Variants in CSMD1 observed in about 807,000 individuals in gnomAD.
CSMD1 encodes the protein CUB and sushi domain-containing protein 1.
CSMD1 carries 213 observed loss-of-function variants against 417.5 expected under a neutral mutation model. That is an observed-to-expected ratio of 0.51 (90% CI 0.46 to 0.57). CSMD1 has a LOEUF of 0.57. CSMD1 is among the 20% of genes least tolerant of loss of function. The pLI is 0.00. For missense variants in CSMD1, 6,923 were observed against 4,529.7 expected (o/e 1.53, Z -15.17); for synonymous variants, 2,862 against 1,736.8 (o/e 1.65, Z -16.11).
intron 4 of CSMD1, among the ~76,000 whole-genome samples, chr8:4,009,921 C>A (rs759909391): frequency 1.3e-5 from 2 of 152,076 alleles, no homozygotes; most frequent in African/African-American, 4.8e-5. Context: ...AAGCCCTGGT[C>A]TCCTCTGTCG....
At chr8:4,675,040 G>C (rs1024880466) in intron 1 of CSMD1, among the ~76,000 whole-genome samples, 1 of 152,204 alleles carries the variant, frequency 6.6e-6, no homozygotes, top group Non-Finnish European at 1.5e-5. Context: ...GCACCTTAGT[G>C]TTGGACGCAC....
chr8:3,388,429 A>ATGTT (rs1447512220), intron 17 of CSMD1, among the ~76,000 whole-genome samples: 5 of 152,192 alleles, frequency 3.3e-5, no homozygotes, highest in African/African-American at 1.2e-4. Flanking sequence ...TATCATTGTA[A>ATGTT]TGTTTACATA....
intron 26 of CSMD1, among the ~76,000 whole-genome samples, chr8:3,263,078 C>G (rs909944291): frequency 5.3e-5 from 8 of 152,144 alleles, no homozygotes; most frequent in African/African-American, 1.9e-4. Context: ...AATAATTGTC[C>G]TTATATGTTT....
rs75738487 is a variant in CSMD1 at position 4,019,289 on chromosome 8, G to C, written c.610+12616C>G. On this transcript the variant is annotated intron_variant, in intron 4 of 69. Transcript: ENST00000635120. ...GAGTTTTTAAAGATTCAGGGCGAGA[G>C]AGCTTATCACAGGCTTGGAATGTTT... Among the ~76,000 whole-genome samples the C allele has an allele frequency of 1.8e-4, 27 of 152,296 alleles. 1 individual carries two copies. In the East Asian group the frequency reaches 4.4e-3, roughly 25 times the overall value.
rs5888995 is a variant in CSMD1 at position 3,815,626 on chromosome 8, C to CTTTTT, written c.819-61589_819-61585dup. 2.0e-4 allele frequency among the ~76,000 whole-genome samples: 30 copies of CTTTTT among 146,470 alleles called. No individual in the cohort carries two copies. In the East Asian group the frequency reaches 3.4e-3, roughly 17 times the overall value. ...AAAATGTCTATCACTGCTAGACTTT[C>CTTTTT]TTTTTTTTTTTTTTTAACAAATAAA... On this transcript the variant is annotated intron_variant, in intron 5 of 69. Coordinates refer to ENST00000635120, the MANE Select transcript of CSMD1 (RefSeq NM_033225.6).
intron 50 of CSMD1, among the ~76,000 whole-genome samples, chr8:3,045,048 C>T (rs11136562): frequency 0.18 from 27,025 of 152,074 alleles, 3,553 homozygotes; most frequent in African/African-American, 0.37. Context: ...AATCGGTTTT[C>T]CAGCCCTTGA....
At chr8:3,961,540 T>A (rs1812322357) in intron 5 of CSMD1, among the ~76,000 whole-genome samples, 1 of 152,190 alleles carries the variant, frequency 6.6e-6, no homozygotes, top group African/African-American at 2.4e-5. Flanking sequence ...CAATAGGAAA[T>A]CTATCCTAGG....
chr8:3,412,745 C>T (rs566343030), intron 12 of CSMD1, among the ~76,000 whole-genome samples: 11 of 152,178 alleles, frequency 7.2e-5, no homozygotes, highest in Non-Finnish European at 1.6e-4. Context: ...TAGAGAACAC[C>T]TTTGCTTAAA....
intron 1 of CSMD1, among the ~76,000 whole-genome samples, chr8:4,853,559 G>A (rs914759135): frequency 2.0e-5 from 3 of 152,220 alleles, no homozygotes; most frequent in Admixed American, 6.5e-5. Flanking sequence ...CAGGCAGAAG[G>A]CTGCCACAAA....
chr8:3,142,518 T>C lies in CSMD1; in HGVS notation c.6188A>G (p.His2063Arg). The change falls in exon 41 of 70, where the codon CAC becomes CGC. Residue 2063 changes from histidine to arginine, a missense_variant. Coordinates refer to ENST00000635120, the MANE Select transcript of CSMD1 (RefSeq NM_033225.6). Reference sequence around the variant, plus strand: ...GTTTTGCGAATGGTCACTATAAAAGTGGATGAGGGTTTCATGCGTTGTGCT... The same window carrying C: ...GTTTTGCGAATGGTCACTATAAAAGCGGATGAGGGTTTCATGCGTTGTGCT... ...LLSTTHETLI[H>R]FYSDHSQNRQ... is the part of the protein sequence containing the mutation. 6.2e-7 allele frequency: 1 copy of C among 1,613,984 alleles called. No homozygotes were observed. The highest frequency in any genetic ancestry group is 1.1e-5 in the South Asian group (1 of 91,080).
At chr8:3,853,152 G>T (rs906956118) in intron 5 of CSMD1, among the ~76,000 whole-genome samples, 1 of 152,098 alleles carries the variant, frequency 6.6e-6, no homozygotes, top group Non-Finnish European at 1.5e-5. Flanking sequence ...CGCGTCCCTT[G>T]GCTTCAAGGA....
At position 3,134,525 on chromosome 8, in the gene CSMD1, C is replaced by T. The variant is rs143597720; in HGVS notation, c.6241+7940G>A. Among the ~76,000 whole-genome samples, 264 of 152,330 alleles carry T rather than the reference C, an allele frequency of 1.7e-3. 1 individual carries two copies. The highest frequency in any genetic ancestry group is 6.0e-3 in the African/African-American group (251 of 41,584). On this transcript the variant is annotated intron_variant, in intron 41 of 69. Transcript: ENST00000635120. ...CAGGTCCAAAACGAAAAACTGTGAT[C>T]GGAGTTTTCCCACAGTGGCCGTTCT...
At chr8:3,742,114 C>G (rs1359557889) in intron 6 of CSMD1, among the ~76,000 whole-genome samples, 1 of 152,000 alleles carries the variant, frequency 6.6e-6, no homozygotes, top group Non-Finnish European at 1.5e-5. Flanking sequence ...GGAATCCTGT[C>G]CATCAGTCTA....
rs181668047 is a variant in CSMD1 at position 4,644,860 on chromosome 8, A to G, written c.86-7302T>C. Among the ~76,000 whole-genome samples the G allele has an allele frequency of 2.8e-3, 422 of 152,342 alleles. 2 individuals carry two copies. The highest frequency in any genetic ancestry group is 1.0e-2 in the African/African-American group (414 of 41,580). The stretch of plus-strand genomic sequence containing the variant: ...TTGTTTATATGCCCATTTCTAGAAT[A>G]GTGCCTGCTAGTTGACATTCAATTG... On this transcript the variant is annotated intron_variant, in intron 1 of 69. Transcript: ENST00000635120.
At chr8:4,688,198 C>T (rs1195320037) in intron 1 of CSMD1, among the ~76,000 whole-genome samples, 1 of 152,098 alleles carries the variant, frequency 6.6e-6, no homozygotes, top group Non-Finnish European at 1.5e-5. Context: ...AGTCAAGATT[C>T]TTTGGGTTTT....
At position 4,860,464 on chromosome 8, in the gene CSMD1, G is replaced by A. The variant is rs974443141; in HGVS notation, c.85+133868C>T. Among the ~76,000 whole-genome samples the A allele has an allele frequency of 1.3e-4, 19 of 151,122 alleles. No homozygotes were observed. The East Asian group carries it at 2.7e-3, about 22-fold the overall frequency. On this transcript the variant is annotated intron_variant, in intron 1 of 69. Coordinates refer to ENST00000635120, the MANE Select transcript of CSMD1 (RefSeq NM_033225.6). ...CCCTTGCTCTCTTGGCCCTGCTCTC[G>A]CCATGTAATTTGCTGGCTCCCTCAT...
chr8:3,759,194 T>A (rs969566079), intron 5 of CSMD1, among the ~76,000 whole-genome samples: 4 of 152,232 alleles, frequency 2.6e-5, no homozygotes, highest in African/African-American at 9.6e-5. Context: ...CTTGTTGAGA[T>A]GTATACATTA....
At chr8:4,465,120 T>G (rs1800085525) in intron 2 of CSMD1, among the ~76,000 whole-genome samples, 1 of 152,166 alleles carries the variant, frequency 6.6e-6, no homozygotes, top group Admixed American at 6.6e-5. Flanking sequence ...CAGTTAATTT[T>G]CCCATCTAAG....
At chr8:3,560,625 G>A (rs1473496380) in intron 10 of CSMD1, among the ~76,000 whole-genome samples, 2 of 152,230 alleles carry the variant, frequency 1.3e-5, no homozygotes, top group East Asian at 3.9e-4. Context: ...GGAATGAGAT[G>A]GCGGGATGAT....
Sources: allele counts gnomAD v4.1 joint callset (sites outside exome capture counted in the v4.1 genomes callset), GRCh38; gene constraint gnomAD v4.1.1; transcripts MANE v1.5; gene names NCBI Gene and HGNC (gene_info 2026-07-23, HGNC 2026-07-21).